The following SLC23A2 variants were observed in gnomAD, a reference collection of about 807,000 sequenced individuals.
SLC23A2 encodes the protein Na(+)/L-ascorbic acid transporter 2.
In SLC23A2, 36 loss-of-function variants were observed where a neutral mutation model predicts 73.3. The observed-to-expected ratio is 0.49, with a 90% CI of 0.38 to 0.65. SLC23A2 has a LOEUF of 0.65. SLC23A2 is among the 30% of genes least tolerant of loss of function. The pLI is 0.00. For synonymous variants in SLC23A2, 343 were observed against 327.3 expected, an observed-to-expected ratio of 1.05 and a Z score of -0.52; for missense variants, 507 against 841.6, an observed-to-expected ratio of 0.60 and a Z score of 4.92.
intron 2 of SLC23A2, among the ~76,000 whole-genome samples, chr20:4,941,151 G>C (rs894702077): frequency 6.7e-6 from 1 of 149,448 alleles, no homozygotes; most frequent in Non-Finnish European, 1.5e-5. Flanking sequence ...GCAAGACTCT[G>C]TCTCAAAAAA....
chr20:4,863,552 G>A lies in SLC23A2; in HGVS notation c.1357-645C>T, dbSNP rs1275779499. ...AAACTGCCTGAATGGTAGCTGGCAC[G>A]CACTGAGCCATCTGAGAGCCGCCCA... On this transcript the variant is annotated intron_variant, in intron 13 of 16. Transcript: ENST00000338244. The surrounding 1 kb of genome is among the most constrained non-coding windows in gnomAD (Gnocchi z 4.8). 1.3e-5 allele frequency among the ~76,000 whole-genome samples: 2 copies of A among 152,194 alleles called. No homozygotes were observed. Among genetic ancestry groups the A allele is most frequent in the East Asian group, 1.9e-4 (1 of 5,182 alleles).
rs1044792502 is a variant in SLC23A2 at position 4,854,801 on chromosome 20, G to C, written c.*2171C>G. On this transcript the variant is annotated 3_prime_UTR_variant, in exon 17 of 17. Transcript: ENST00000338244. Reference sequence around the variant, plus strand: ...CGCCCAGTCAAGCTGAAGAGAAGGTGCCCCTGGATCACCAATGGCTTTCAG... The same window carrying C: ...CGCCCAGTCAAGCTGAAGAGAAGGTCCCCCTGGATCACCAATGGCTTTCAG... 2.0e-5 allele frequency: 3 copies of C among 152,206 alleles called. No homozygotes were observed. The highest frequency in any genetic ancestry group is 7.2e-5 in the African/African-American group (3 of 41,448). 9.4% of individuals were successfully genotyped at this position (152,206 alleles called of 1,614,324 possible).
intron 1 of SLC23A2, among the ~76,000 whole-genome samples, chr20:5,007,600 A>G (rs2088205097): frequency 6.6e-6 from 1 of 152,148 alleles, no homozygotes. Context: ...TATGTTCACA[A>G]AGCTGTACAA....
At chr20:5,004,491 A>G (rs1423492809), upstream of SLC23A2, among the ~76,000 whole-genome samples, 2 of 152,194 alleles carry the variant, frequency 1.3e-5, no homozygotes, top group African/African-American at 2.4e-5. Context: ...TTATCATCCC[A>G]GAGCACAGAA....
chr20:4,943,294 A>T (rs2087071114), intron 2 of SLC23A2, among the ~76,000 whole-genome samples: 1 of 152,120 alleles, frequency 6.6e-6, no homozygotes, highest in Admixed American at 6.6e-5. Flanking sequence ...CTTCTCCAAA[A>T]GGATACGAGA....
chr20:4,883,435 C>T lies in SLC23A2; in HGVS notation c.824+207G>A, dbSNP rs1289261118. Among the ~76,000 whole-genome samples, 1 of 152,184 alleles carries T rather than the reference C, an allele frequency of 6.6e-6. No individual in the cohort carries two copies. The highest frequency in any genetic ancestry group is 1.9e-4 in the East Asian group (1 of 5,198). Reference sequence around the variant, plus strand: ...ACAATCCACCCTCTTCATATTGCTGCTAAGTCTGTCTTTGTAATACGTCAA... The same window carrying T: ...ACAATCCACCCTCTTCATATTGCTGTTAAGTCTGTCTTTGTAATACGTCAA... On this transcript the variant is annotated intron_variant, in intron 9 of 16. Coordinates refer to ENST00000338244, the MANE Select transcript of SLC23A2 (RefSeq NM_005116.6). This position sits in a 1 kb window ranked among gnomAD's most constrained non-coding sequence, Gnocchi z 4.5.
chr20:4,995,648 A>G (rs2088006962), intron 1 of SLC23A2, among the ~76,000 whole-genome samples: 3 of 152,106 alleles, frequency 2.0e-5, no homozygotes, highest in Admixed American at 6.6e-5. Context: ...CAAGTCCCCA[A>G]AAGTCATCCT....
At chr20:4,986,474 C>T (rs542819210) in intron 1 of SLC23A2, among the ~76,000 whole-genome samples, 12 of 152,010 alleles carry the variant, frequency 7.9e-5, no homozygotes, top group Admixed American at 6.6e-4. Context: ...CCACCATGTC[C>T]GACTAATTTT....
intron 1 of SLC23A2, among the ~76,000 whole-genome samples, chr20:4,993,061 G>A (rs931446170): frequency 2.6e-5 from 4 of 151,722 alleles, no homozygotes; most frequent in African/African-American, 9.6e-5. Context: ...GGTGGATCAC[G>A]AGGTCAGGAG....
chr20:4,932,080 C>A (rs757787270), intron 3 of SLC23A2, among the ~76,000 whole-genome samples: 4 of 152,192 alleles, frequency 2.6e-5, no homozygotes, highest in Non-Finnish European at 5.9e-5. Flanking sequence ...GGGTTCCAAG[C>A]AGTAAGTCAT....
At chr20:4,886,898 T>C (rs1352733369) in intron 6 of SLC23A2, among the ~76,000 whole-genome samples, 1 of 152,146 alleles carries the variant, frequency 6.6e-6, no homozygotes. Flanking sequence ...TTGAGCTGTC[T>C]GGCAGCAAGT....
intron 2 of SLC23A2, among the ~76,000 whole-genome samples, chr20:4,941,122 C>T (rs1245933404): frequency 6.6e-6 from 1 of 151,792 alleles, no homozygotes; most frequent in African/African-American, 2.4e-5. Context: ...CACCACTACA[C>T]TCCAGCCTGG....
In SLC23A2 at chr20:4,940,822, T is replaced by C. The variant is rs144995560; in HGVS notation, c.-154-8106A>G. Among the ~76,000 whole-genome samples, 240 of 152,256 alleles carry C rather than the reference T, an allele frequency of 1.6e-3. 1 individual carries two copies. The highest frequency in any genetic ancestry group is 5.2e-3 in the African/African-American group (215 of 41,566). On this transcript the variant is annotated intron_variant, in intron 2 of 16. Transcript: ENST00000338244. ...GAGTAGGATGGTGGATTCCAGGGAC[T>C]TGGGGGGGCGGTCAATGGAGAACTG...
chr20:4,885,956 C>A, intron 6 of SLC23A2, 47 bp from the exon 7 acceptor site: 2 of 1,261,310 alleles, frequency 1.6e-6, no homozygotes, highest in East Asian at 2.4e-5. Flanking sequence ...CGGGAACTAC[C>A]GAGGTAGTTC....
At chr20:4,952,103 C>CAAAAAAAAAAAAAAAAA (rs57832305) in intron 2 of SLC23A2, among the ~76,000 whole-genome samples, 1 of 40,534 alleles carries the variant, frequency 2.5e-5, no homozygotes, top group African/African-American at 7.5e-5. Flanking sequence ...GACTCTGACT[C>CAAAAAAAAAAAAAAAAA]AAAAAAAAAA....
chr20:4,908,219 G>A (rs1040430911), intron 4 of SLC23A2, among the ~76,000 whole-genome samples: 2 of 152,166 alleles, frequency 1.3e-5, no homozygotes, highest in African/African-American at 2.4e-5. Context: ...GAAAATGCCA[G>A]GAAAAACTGG....
At chr20:4,924,306 C>T (rs1932597643) in intron 3 of SLC23A2, among the ~76,000 whole-genome samples, 3 of 152,310 alleles carry the variant, frequency 2.0e-5, no homozygotes, top group African/African-American at 7.2e-5. Flanking sequence ...CCTCTGGAGT[C>T]AGAGTTTCTC....
chr20:4,999,608 G>A (rs1200706651), intron 1 of SLC23A2, among the ~76,000 whole-genome samples: 1 of 149,816 alleles, frequency 6.7e-6, no homozygotes, highest in Non-Finnish European at 1.5e-5. Context: ...GCCTAGGCTG[G>A]TCTTGAACTC....
chr20:4,963,736 T>C (rs2087429368), intron 2 of SLC23A2, among the ~76,000 whole-genome samples: 1 of 152,058 alleles, frequency 6.6e-6, no homozygotes, highest in South Asian at 2.1e-4. Flanking sequence ...TAGTCCCAGC[T>C]ACTCCTGAGG....
Sources: gnomAD v4.1 joint callset for allele counts (sites outside exome capture counted in the v4.1 genomes callset) on GRCh38, gnomAD v4.1.1 for gene constraint, Gnocchi (gnomAD v3.1) non-coding constraint, MANE v1.5 for transcripts, NCBI Gene and HGNC (gene_info 2026-07-23, HGNC 2026-07-21) for gene names.